NAALADL2: variants seen among roughly 807,000 people sequenced by gnomAD.
NAALADL2 encodes inactive N-acetylated-alpha-linked acidic dipeptidase-like protein 2.
In NAALADL2, 76 loss-of-function variants were observed where a neutral mutation model predicts 87.2. The observed-to-expected ratio is 0.87, with a 90% confidence interval of 0.72 to 1.05. The LOEUF (loss-of-function observed/expected upper bound fraction) is 1.05. Among genes scored for constraint, NAALADL2 ranks in the 50% least tolerant of loss-of-function variants. NAALADL2 has a pLI of 0.00. For synonymous variants in NAALADL2, 354 were observed against 331.0 expected, an observed-to-expected ratio of 1.07 and a Z score of -0.75; for missense variants, 1,089 against 945.8, an observed-to-expected ratio of 1.15 and a Z score of -1.99.
At chr3:175,371,914 CA>C (rs1766554253) in intron 5 of NAALADL2, among the ~76,000 whole-genome samples, 1 of 151,992 alleles carries the variant, frequency 6.6e-6, no homozygotes, top group Admixed American at 6.6e-5. Flanking sequence ...ACTACATCCA[CA>C]AAGCGTTCCT....
At chr3:174,826,005 CA>C (rs1481355833) in intron 3 of NAALADL2, among the ~76,000 whole-genome samples, 4 of 151,714 alleles carry the variant, frequency 2.6e-5, no homozygotes, top group African/African-American at 9.7e-5. Context: ...CCAGCCTGGG[CA>C]GACAGAGCGA....
At chr3:174,536,005 T>A (rs1354889891) in intron 1 of NAALADL2, among the ~76,000 whole-genome samples, 1 of 152,112 alleles carries the variant, frequency 6.6e-6, no homozygotes, top group African/African-American at 2.4e-5. Flanking sequence ...CAAAGACTAA[T>A]GAAATTTTAC....
At chr3:174,999,131 T>C (rs1036041196) in intron 1 of NAALADL2, among the ~76,000 whole-genome samples, 12 of 152,188 alleles carry the variant, frequency 7.9e-5, no homozygotes, top group Non-Finnish European at 1.0e-4. Flanking sequence ...AATATTTCTT[T>C]ACTTAGAAGT....
At chr3:175,649,777 G>A (rs1007065214) in intron 11 of NAALADL2, among the ~76,000 whole-genome samples, 1 of 151,888 alleles carries the variant, frequency 6.6e-6, no homozygotes, top group African/African-American at 2.4e-5. Flanking sequence ...GTAAATATAG[G>A]CATACTGGTG....
At chr3:174,875,304 A>C (rs1374622582) in intron 1 of NAALADL2, among the ~76,000 whole-genome samples, 1 of 152,072 alleles carries the variant, frequency 6.6e-6, no homozygotes, top group Non-Finnish European at 1.5e-5. Flanking sequence ...ATTTTCAAAA[A>C]TGATAAAAAA....
At chr3:175,034,311 C>G (rs1198236495) in intron 1 of NAALADL2, among the ~76,000 whole-genome samples, 3 of 152,098 alleles carry the variant, frequency 2.0e-5, no homozygotes, top group Admixed American at 1.3e-4. Context: ...GCCTTTAAAG[C>G]CAGATACAAG....
At chr3:175,116,822 G>A (rs1250418438) in intron 2 of NAALADL2, among the ~76,000 whole-genome samples, 1 of 152,046 alleles carries the variant, frequency 6.6e-6, no homozygotes, top group Non-Finnish European at 1.5e-5. Flanking sequence ...TAAGCCAAAA[G>A]AACAAAGCTG....
At chr3:174,754,305 A>G (rs543321747) in intron 3 of NAALADL2, among the ~76,000 whole-genome samples, 56 of 152,326 alleles carry the variant, frequency 3.7e-4, no homozygotes, top group African/African-American at 1.3e-3. Context: ...ATAATAAAAT[A>G]TGAATTTGTA....
At chr3:175,476,690 G>A (rs545139154) in intron 9 of NAALADL2, among the ~76,000 whole-genome samples, 1 of 152,052 alleles carries the variant, frequency 6.6e-6, no homozygotes, top group Non-Finnish European at 1.5e-5. Flanking sequence ...GTGTGAGGGC[G>A]ACTAAAATGC....
intron 1 of NAALADL2, among the ~76,000 whole-genome samples, chr3:174,988,359 T>A (rs1358980263): frequency 1.3e-5 from 2 of 152,234 alleles, no homozygotes; most frequent in Non-Finnish European, 2.9e-5. Context: ...TAGTCAGGAC[T>A]TATATTACTT....
intron 9 of NAALADL2, among the ~76,000 whole-genome samples, chr3:175,567,889 T>C (rs1717452295): frequency 6.6e-6 from 1 of 152,056 alleles, no homozygotes; most frequent in African/African-American, 2.4e-5. Context: ...CTAATTTTTG[T>C]ATTTTTGGTA....
intron 3 of NAALADL2, among the ~76,000 whole-genome samples, chr3:174,832,183 T>G (rs976730176): frequency 1.3e-5 from 2 of 152,166 alleles, no homozygotes; most frequent in African/African-American, 4.8e-5. Flanking sequence ...CTTTTCTAGT[T>G]GTTTTAATTG....
At position 174,759,782 on chromosome 3, in the gene NAALADL2, C is replaced by A. The variant is rs148863482; in HGVS notation, c.-9+22036C>A. 3.3e-5 allele frequency among the ~76,000 whole-genome samples: 5 copies of A among 151,968 alleles called. No individual in the cohort carries two copies. The East Asian group carries it at 9.7e-4, about 30-fold the overall frequency. On this transcript the variant is annotated intron_variant, in intron 3 of 3. Coordinates refer to the NAALADL2 transcript ENST00000434257. ...ACGGCATTATCTTGGCTCCCTGCAA[C>A]CTCCAACTTCCAGGTTCAAGTGATT...
At chr3:175,275,299 A>G (rs1368377170) in intron 4 of NAALADL2, among the ~76,000 whole-genome samples, 2 of 152,204 alleles carry the variant, frequency 1.3e-5, no homozygotes, top group Non-Finnish European at 2.9e-5. Context: ...AAGAATATAT[A>G]TTCATATAGA....
At chr3:175,460,895 G>T (rs1476568295) in intron 6 of NAALADL2, among the ~76,000 whole-genome samples, 1 of 152,222 alleles carries the variant, frequency 6.6e-6, no homozygotes, top group Non-Finnish European at 1.5e-5. Flanking sequence ...AGCTTCCACA[G>T]TGTGGAAAGT....
intron 4 of NAALADL2, among the ~76,000 whole-genome samples, chr3:175,300,929 A>T (rs1757007946): frequency 6.6e-6 from 1 of 151,800 alleles, no homozygotes; most frequent in Admixed American, 6.6e-5. Flanking sequence ...TCTAGTAGAG[A>T]TGGAGTTTCT....
chr3:175,206,564 G>A (rs1740952389), intron 2 of NAALADL2, among the ~76,000 whole-genome samples: 2 of 148,880 alleles, frequency 1.3e-5, no homozygotes, highest in Non-Finnish European at 3.0e-5. Context: ...GTGGGGAAGA[G>A]TGGGAGGGGG....
At chr3:174,652,583 T>G (rs987081232) in intron 2 of NAALADL2, among the ~76,000 whole-genome samples, 1 of 151,996 alleles carries the variant, frequency 6.6e-6, no homozygotes, top group Non-Finnish European at 1.5e-5. Flanking sequence ...ACTTATTCAC[T>G]ATCACGAGAA....
chr3:175,470,872 C>A, intron 8 of NAALADL2, among the ~76,000 whole-genome samples: 1 of 151,934 alleles, frequency 6.6e-6, no homozygotes, highest in East Asian at 1.9e-4. Flanking sequence ...GTATTATGGC[C>A]CATTTTACTG....
Sources: gnomAD v4.1 joint callset for allele counts (sites outside exome capture counted in the v4.1 genomes callset) on GRCh38, gnomAD v4.1.1 for gene constraint, MANE v1.5 for transcripts, NCBI Gene and HGNC (gene_info 2026-07-23, HGNC 2026-07-21) for gene names.